CNTNAP5: variants seen among roughly 807,000 people sequenced by gnomAD.
CNTNAP5 encodes contactin-associated protein-like 5.
In CNTNAP5, 72 loss-of-function variants were observed where a neutral mutation model predicts 150.2. That is an observed-to-expected ratio of 0.48 (90% CI 0.40 to 0.58). CNTNAP5 has a LOEUF of 0.58. CNTNAP5 is among the 20% of genes least tolerant of loss of function. The pLI is 0.00. For missense variants in CNTNAP5, 1,636 were observed against 1,626.2 expected, an observed-to-expected ratio of 1.01 and a Z score of -0.10; for synonymous variants, 672 against 619.8, an observed-to-expected ratio of 1.08 and a Z score of -1.25.
chr2:124,545,364 C>T (rs982128426), intron 10 of CNTNAP5, among the ~76,000 whole-genome samples: 11 of 152,098 alleles, frequency 7.2e-5, no homozygotes, highest in African/African-American at 1.7e-4. Context: ...TAATGCCTAT[C>T]GCAAAGTAGA....
intron 13 of CNTNAP5, among the ~76,000 whole-genome samples, chr2:124,651,244 A>T (rs1678316262): frequency 6.6e-6 from 1 of 152,240 alleles, no homozygotes; most frequent in African/African-American, 2.4e-5. Context: ...AGACGTTATG[A>T]AAAATTATAA....
intron 13 of CNTNAP5, among the ~76,000 whole-genome samples, chr2:124,663,808 GC>G (rs1467654481): frequency 2.0e-5 from 3 of 152,118 alleles, no homozygotes; most frequent in Non-Finnish European, 4.4e-5. Context: ...ATGACCCACA[GC>G]TATTTAAAAT....
chr2:124,782,281 C>A (rs1681469009), intron 17 of CNTNAP5, among the ~76,000 whole-genome samples: 2 of 152,152 alleles, frequency 1.3e-5, no homozygotes. Context: ...CCTGCATGCC[C>A]AGCAGGAAAA....
At chr2:124,472,201 C>T (rs918579012) in intron 6 of CNTNAP5, among the ~76,000 whole-genome samples, 5 of 151,966 alleles carry the variant, frequency 3.3e-5, no homozygotes, top group African/African-American at 1.2e-4. Flanking sequence ...TATAATTCAG[C>T]TCATCAGTAG....
intron 4 of CNTNAP5, among the ~76,000 whole-genome samples, chr2:124,427,761 C>T (rs1255865030): frequency 2.0e-5 from 3 of 151,988 alleles, no homozygotes; most frequent in Non-Finnish European, 4.4e-5. Flanking sequence ...CCGGCCAAAC[C>T]CATATTATTT....
In CNTNAP5 at chr2:124,862,687, G is replaced by A. The variant is rs543211841; in HGVS notation, c.3218-2619G>A. On this transcript the variant is annotated intron_variant, in intron 19 of 23. Transcript: ENST00000682447. The stretch of plus-strand genomic sequence containing the variant: ...CCCTAACAAAGCCACTGAAGAAGAC[G>A]CTCAGGGAGGTGATTAATGAGCCCC... Among the ~76,000 whole-genome samples, 4 of 152,292 alleles carry A rather than the reference G, an allele frequency of 2.6e-5. No homozygotes were observed. The East Asian group carries it at 5.8e-4, about 22-fold the overall frequency.
At chr2:124,757,027 C>T (rs1008013358) in intron 14 of CNTNAP5, among the ~76,000 whole-genome samples, 3 of 152,166 alleles carry the variant, frequency 2.0e-5, no homozygotes, top group Non-Finnish European at 4.4e-5. Context: ...AGCATGCCAG[C>T]ACAAATTTCA....
At chr2:124,415,985 A>C (rs1691908290) in intron 3 of CNTNAP5, among the ~76,000 whole-genome samples, 1 of 152,148 alleles carries the variant, frequency 6.6e-6, no homozygotes, top group African/African-American at 2.4e-5. Flanking sequence ...CTTTTTTGGC[A>C]TTGAATAGGA....
chr2:124,124,864 G>A (rs1399178184), intron 1 of CNTNAP5, among the ~76,000 whole-genome samples: 1 of 152,176 alleles, frequency 6.6e-6, no homozygotes, highest in Non-Finnish European at 1.5e-5. Context: ...AACAAATGCT[G>A]AGAGATTATG....
intron 1 of CNTNAP5, among the ~76,000 whole-genome samples, chr2:124,183,292 C>T (rs1314234216): frequency 1.3e-5 from 2 of 152,132 alleles, no homozygotes; most frequent in Admixed American, 6.6e-5. Flanking sequence ...TTCTCTGATT[C>T]ATGTTATAGT....
intron 13 of CNTNAP5, among the ~76,000 whole-genome samples, chr2:124,653,872 T>C (rs1678371934): frequency 6.7e-6 from 1 of 149,178 alleles, no homozygotes; most frequent in African/African-American, 2.5e-5. Flanking sequence ...CCTGCATACT[T>C]GTAGTAGGGA....
intron 4 of CNTNAP5, among the ~76,000 whole-genome samples, chr2:124,419,918 T>TTC (rs1692044014): frequency 1.6e-5 from 2 of 126,620 alleles, no homozygotes; most frequent in Non-Finnish European, 3.2e-5. Flanking sequence ...CTTTCTTTCT[T>TTC]TCTTTCTTTC....
chr2:124,670,133 T>TTTCCTTCCTTCCTTCCTTCA (rs1678783295), intron 13 of CNTNAP5, among the ~76,000 whole-genome samples: 10 of 112,600 alleles, frequency 8.9e-5, no homozygotes, highest in African/African-American at 2.6e-4. Context: ...TCCTTCCTTC[T>TTTCCTTCCTTCCTTCCTTCA]TTCCTTCCTT....
chr2:124,713,243 C>CTTTTTCTT (rs1280851827), intron 13 of CNTNAP5, among the ~76,000 whole-genome samples: 3 of 65,162 alleles, frequency 4.6e-5, no homozygotes, highest in Non-Finnish European at 9.7e-5. Flanking sequence ...TTCTTTCTTT[C>CTTTTTCTT]TCTTTCTTTC....
At chr2:124,295,688 G>A (rs1236031986) in intron 3 of CNTNAP5, among the ~76,000 whole-genome samples, 5 of 80,752 alleles carry the variant, frequency 6.2e-5, no homozygotes, top group Non-Finnish European at 1.3e-4. Context: ...CATAGGCAAA[G>A]AAGCCCCAAG....
intron 21 of CNTNAP5, among the ~76,000 whole-genome samples, chr2:124,876,545 C>A (rs1677864834): frequency 1.3e-5 from 2 of 151,816 alleles, no homozygotes; most frequent in South Asian, 4.2e-4. Flanking sequence ...TGTGCATCAA[C>A]AGTTCAAATA....
At chr2:124,818,510 C>T (rs2104666243) in intron 19 of CNTNAP5, among the ~76,000 whole-genome samples, 1 of 152,182 alleles carries the variant, frequency 6.6e-6, no homozygotes, top group East Asian at 1.9e-4. Context: ...CCATTCTGGA[C>T]AACAGTATGA....
intron 19 of CNTNAP5, among the ~76,000 whole-genome samples, chr2:124,807,721 C>G (rs1682109960): frequency 6.6e-6 from 1 of 152,174 alleles, no homozygotes; most frequent in Non-Finnish European, 1.5e-5. Flanking sequence ...CTCAAGGAAC[C>G]TGCCATGTTT....
intron 19 of CNTNAP5, among the ~76,000 whole-genome samples, chr2:124,843,628 A>T (rs569962674): frequency 1.3e-5 from 2 of 152,246 alleles, no homozygotes; most frequent in South Asian, 4.1e-4. Flanking sequence ...TCCTACCAAC[A>T]GTGTAGGAGT....
Sources: allele counts gnomAD v4.1 joint callset (sites outside exome capture counted in the v4.1 genomes callset), GRCh38; gene constraint gnomAD v4.1.1; transcripts MANE v1.5; gene names NCBI Gene and HGNC (gene_info 2026-07-23, HGNC 2026-07-21).